Variants in MRPL42 observed in about 807,000 individuals in gnomAD.
The protein encoded by MRPL42 is mitochondrial ribosomal protein L42.
In MRPL42, 17 loss-of-function variants were observed where a neutral mutation model predicts 17.9. The ratio of observed to expected loss-of-function variants is 0.95; its 90% CI spans 0.65 to 1.42. MRPL42 has a LOEUF of 1.42. MRPL42 is among the 40% of genes most tolerant of loss of function. The pLI is 0.00. For missense variants in MRPL42, 177 were observed against 175.2 expected, an observed-to-expected ratio of 1.01 and a Z score of -0.06; for synonymous variants, 59 against 54.4, an observed-to-expected ratio of 1.08 and a Z score of -0.37.
At chr12:93,496,206 T>A (rs146223604) in intron 5 of MRPL42, among the ~76,000 whole-genome samples, 114 of 152,106 alleles carry the variant, frequency 7.5e-4, no homozygotes, top group African/African-American at 2.6e-3. Context: ...TTACAGGCAG[T>A]TACCACAACA....
intron 2 of MRPL42, among the ~76,000 whole-genome samples, chr12:93,475,827 C>T (rs890189364): frequency 2.6e-5 from 4 of 151,678 alleles, no homozygotes; most frequent in African/African-American, 7.2e-5. Context: ...ACTAAAAATA[C>T]AAAAAAATTA....
intron 5 of MRPL42, chr12:93,488,607 A>G (rs1048129589): frequency 3.8e-6 from 1 of 262,494 alleles, no homozygotes; most frequent in Non-Finnish European, 7.1e-6. Context: ...TTTCTTTATC[A>G]TATTTTGAGT....
At chr12:93,481,977 C>T (rs139233626) in intron 4 of MRPL42, among the ~76,000 whole-genome samples, 249 of 152,316 alleles carry the variant, frequency 1.6e-3, no homozygotes, top group Non-Finnish European at 2.7e-3. Context: ...TCCCCTGCAT[C>T]CTCTTTCTTT....
intron 1 of MRPL42, among the ~76,000 whole-genome samples, chr12:93,468,171 G>A (rs1210912806): frequency 6.6e-6 from 1 of 152,212 alleles, no homozygotes; most frequent in Non-Finnish European, 1.5e-5. Context: ...GTATATGAAA[G>A]TGGGTTGTAA....
In MRPL42 at chr12:93,501,387, C is replaced by T. The variant is rs1953592424; in HGVS notation, c.*166C>T. On this transcript the variant is annotated 3_prime_UTR_variant, in exon 6 of 6. Transcript: ENST00000549982. ...AAAGTAATTCTGGATTTGACATTCT[C>T]ATTTAGAGAAACCTATTTTCTTTTT... 4.6e-6 allele frequency: 2 copies of T among 438,474 alleles called. No homozygotes were observed. The highest frequency in any genetic ancestry group is 3.9e-6 in the Non-Finnish European group (1 of 256,572). 27.2% of individuals were successfully genotyped at this position (438,474 alleles called of 1,614,324 possible).
chr12:93,470,441 A>G (rs1321362368), intron 2 of MRPL42: 25 of 1,257,764 alleles, frequency 2.0e-5, no homozygotes, highest in Non-Finnish European at 2.5e-5. Context: ...GCCTTTTTAT[A>G]TTAAACTATG....
At chr12:93,499,990 A>C (rs998947646) in intron 5 of MRPL42, among the ~76,000 whole-genome samples, 1 of 152,208 alleles carries the variant, frequency 6.6e-6, no homozygotes, top group Non-Finnish European at 1.5e-5. Flanking sequence ...AACGTAACTC[A>C]TCACAAAAAC....
intron 3 of MRPL42, among the ~76,000 whole-genome samples, chr12:93,478,900 T>C (rs984029380): frequency 1.3e-5 from 2 of 150,818 alleles, no homozygotes; most frequent in South Asian, 4.2e-4. Context: ...AATTTGTGAT[T>C]AATTTTAGCT....
At chr12:93,494,881 G>A (rs531731084) in intron 5 of MRPL42, among the ~76,000 whole-genome samples, 7 of 152,270 alleles carry the variant, frequency 4.6e-5, no homozygotes, top group Admixed American at 2.6e-4. Flanking sequence ...AATTTCAACC[G>A]TTACTAAGGT....
At chr12:93,478,021 A>G (rs1015151556) in intron 3 of MRPL42, among the ~76,000 whole-genome samples, 4 of 152,162 alleles carry the variant, frequency 2.6e-5, no homozygotes, top group Non-Finnish European at 4.4e-5. Context: ...CAGTGGCACA[A>G]TCTCAGCTCA....
At chr12:93,494,463 C>T (rs1345618973) in intron 5 of MRPL42, among the ~76,000 whole-genome samples, 1 of 152,116 alleles carries the variant, frequency 6.6e-6, no homozygotes, top group African/African-American at 2.4e-5. Flanking sequence ...AGAGAGGAGT[C>T]AAGAGTGGTA....
chr12:93,494,104 A>G (rs1953451424), intron 5 of MRPL42, among the ~76,000 whole-genome samples: 1 of 148,676 alleles, frequency 6.7e-6, no homozygotes, highest in African/African-American at 2.5e-5. Context: ...ACAGTAGGGC[A>G]TGAGAGCAGA....
At position 93,479,963 on chromosome 12, in the gene MRPL42, A is replaced by G. The variant is rs945616016; in HGVS notation, c.219+491A>G. On this transcript the variant is annotated intron_variant, in intron 4 of 5. Transcript: ENST00000549982. ...TATATATTTTGAATGGCCCAGTTAG[A>G]TTTTTTTCCCTATTTTTTAAAAAGC... 5.4e-5 allele frequency among the ~76,000 whole-genome samples: 8 copies of G among 149,150 alleles called. No homozygotes were observed. The Admixed American group carries it at 5.4e-4, about 10-fold the overall frequency.
At chr12:93,500,846 C>T in intron 5 of MRPL42, 1 of 178,370 alleles carries the variant, frequency 5.6e-6, no homozygotes, top group East Asian at 1.5e-4. Flanking sequence ...GTAGTCCCAG[C>T]TACTAGGCAG....
chr12:93,467,603 G>T (rs1185119702), intron 1 of MRPL42, 49 bp downstream of exon 1: 1 of 152,704 alleles, frequency 6.5e-6, no homozygotes, highest in African/African-American at 2.4e-5. Context: ...TCGAAACTGG[G>T]CAGTCCCACA....
intron 5 of MRPL42, among the ~76,000 whole-genome samples, chr12:93,490,848 A>G (rs1364363339): frequency 1.3e-5 from 2 of 152,244 alleles, no homozygotes; most frequent in Non-Finnish European, 2.9e-5. Context: ...TTCTTCTTAA[A>G]TAAGTTTTTA....
intron 4 of MRPL42, among the ~76,000 whole-genome samples, chr12:93,486,201 T>C (rs1880734435): frequency 6.6e-6 from 1 of 152,176 alleles, no homozygotes; most frequent in African/African-American, 2.4e-5. Flanking sequence ...TTCATGTGTG[T>C]TGAGGAGATA....
chr12:93,500,242 T>G (rs139850474), intron 5 of MRPL42, among the ~76,000 whole-genome samples: 1 of 152,222 alleles, frequency 6.6e-6, no homozygotes. Flanking sequence ...TTTTTCTATA[T>G]TCCTTTGGGA....
At position 93,512,808 on chromosome 12, in the gene MRPL42, A is replaced by T. The variant is rs1953736729; in HGVS notation, c.*11587A>T. 1 of 152,212 alleles carries T rather than the reference A, an allele frequency of 6.6e-6. No homozygotes were observed. The highest frequency in any genetic ancestry group is 2.4e-5 in the African/African-American group (1 of 41,468). The allele number at this position is 152,212 out of a possible 1,614,324, so 9.4% of individuals were successfully genotyped here. ...ACAAAAGAATGTCTACATACGGCAA[A>T]TTCATAGATCTGGAATCCATTTATG... is the stretch of plus-strand genomic sequence containing the variant. On this transcript the variant is annotated 3_prime_UTR_variant, in exon 6 of 6. Coordinates refer to ENST00000549982, the MANE Select transcript of MRPL42 (RefSeq NM_014050.4).
Sources: gnomAD v4.1 joint callset for allele counts (sites outside exome capture counted in the v4.1 genomes callset) on GRCh38, gnomAD v4.1.1 for gene constraint, MANE v1.5 for transcripts, NCBI Gene and HGNC (gene_info 2026-07-23, HGNC 2026-07-21) for gene names.